The following PPFIA2 variants were observed in gnomAD, a reference collection of about 807,000 sequenced individuals.
The protein encoded by PPFIA2 is liprin-alpha-2.
PPFIA2 carries 46 observed loss-of-function variants against 175.5 expected under a neutral mutation model. The observed-to-expected ratio is 0.26, with a 90% CI of 0.21 to 0.34. PPFIA2 has a LOEUF of 0.34. PPFIA2 is among the 10% of genes least tolerant of loss of function. The pLI, the probability that PPFIA2 is intolerant of heterozygous loss-of-function variation, is 1.00. For missense variants in PPFIA2, 1,179 were observed against 1,506.1 expected (o/e 0.78, Z 3.60); for synonymous variants, 568 against 511.4 (o/e 1.11, Z -1.49).
At chr12:81,557,416 G>T (rs2069097396) in intron 4 of PPFIA2, among the ~76,000 whole-genome samples, 2 of 151,742 alleles carry the variant, frequency 1.3e-5, no homozygotes, top group South Asian at 4.1e-4. Context: ...ATCTTAAATG[G>T]ATATTTATAT....
At chr12:81,701,768 C>T (rs1485889222) in intron 3 of PPFIA2, among the ~76,000 whole-genome samples, 1 of 151,906 alleles carries the variant, frequency 6.6e-6, no homozygotes, top group East Asian at 1.9e-4. Context: ...AATAGTAATA[C>T]AGTTCTCCAT....
At chr12:81,296,609 T>A (rs1331536601) in intron 23 of PPFIA2, 2 of 152,202 alleles carry the variant, frequency 1.3e-5, no homozygotes, top group Non-Finnish European at 2.9e-5. Context: ...GACTGATTTT[T>A]TTTTCTATTT....
At chr12:81,295,185 T>G in intron 23 of PPFIA2, 150 bp from the exon 24 acceptor site, 1 of 712,936 alleles carries the variant, frequency 1.4e-6, no homozygotes, top group Non-Finnish European at 2.3e-6. Flanking sequence ...AGGACATAGA[T>G]GCACAAAGAA....
chr12:81,512,141 G>T, intron 4 of PPFIA2: 1 of 309,092 alleles, frequency 3.2e-6, no homozygotes, highest in Non-Finnish European at 6.1e-6. Flanking sequence ...TTTCTGTAGT[G>T]TCCGTCAATG....
intron 8 of PPFIA2, among the ~76,000 whole-genome samples, chr12:81,395,783 T>G (rs991293774): frequency 6.6e-6 from 1 of 152,186 alleles, no homozygotes. Context: ...TATTTATTCC[T>G]GCACAGTCTT....
intron 22 of PPFIA2, among the ~76,000 whole-genome samples, chr12:81,318,533 G>A (rs1566110336): frequency 6.6e-6 from 1 of 151,628 alleles, no homozygotes; most frequent in East Asian, 1.9e-4. Flanking sequence ...GGATGCCTCT[G>A]TAAAAATCAT....
In PPFIA2 at chr12:81,690,612, C is replaced by T. The variant is rs898561077; in HGVS notation, c.250-13768G>A. ...GAGGACTGCTAGAAAAGTAAAGCAA[C>T]GTGGCCCATGGGTAAACTACTAAAT... On this transcript the variant is annotated intron_variant, in intron 3 of 32. Coordinates refer to ENST00000549396, the MANE Select transcript of PPFIA2 (RefSeq NM_003625.5). Among the ~76,000 whole-genome samples, 23 of 152,032 alleles carry T rather than the reference C, an allele frequency of 1.5e-4. 1 individual carries two copies. Among genetic ancestry groups the T allele is most frequent in the Admixed American group, 1.4e-3 (22 of 15,234 alleles).
At chr12:81,660,484 A>G (rs1389907899) in intron 4 of PPFIA2, among the ~76,000 whole-genome samples, 1 of 152,190 alleles carries the variant, frequency 6.6e-6, no homozygotes, top group African/African-American at 2.4e-5. Flanking sequence ...AAGTGAGAAG[A>G]GAAGTTCAGA....
At chr12:81,652,630 C>T (rs149295736) in intron 4 of PPFIA2, among the ~76,000 whole-genome samples, 17 of 152,204 alleles carry the variant, frequency 1.1e-4, no homozygotes, top group African/African-American at 3.8e-4. Flanking sequence ...ACATTTTCTT[C>T]CTGACAGCTA....
intron 4 of PPFIA2, among the ~76,000 whole-genome samples, chr12:81,465,981 T>C (rs1022545902): frequency 2.0e-5 from 3 of 152,172 alleles, no homozygotes; most frequent in Non-Finnish European, 4.4e-5. Flanking sequence ...TCTGTTTTTA[T>C]AATTGCCTTC....
rs919859712 is a variant in PPFIA2, at chr12:81,281,552, T to C, written c.3019-102A>G. ...TAACTGATATTTAATTACTATGATA[T>C]GTGGAAACAAAGCAAAAATAATATT... On this transcript the variant is annotated intron_variant, in intron 26 of 32. Transcript: ENST00000549396. The C allele has an allele frequency of 1.7e-5, 13 of 771,772 alleles. No individual in the cohort carries two copies. The African/African-American group carries it at 2.3e-4, about 14-fold the overall frequency. 47.8% of individuals were successfully genotyped at this position (771,772 alleles called of 1,614,324 possible).
intron 14 of PPFIA2, among the ~76,000 whole-genome samples, chr12:81,364,253 T>C (rs1451850866): frequency 6.6e-6 from 1 of 151,888 alleles, no homozygotes; most frequent in Non-Finnish European, 1.5e-5. Flanking sequence ...AAATAGAGGA[T>C]ACTTTTTAAA....
intron 4 of PPFIA2, among the ~76,000 whole-genome samples, chr12:81,466,831 T>C (rs2055733906): frequency 6.6e-6 from 1 of 150,538 alleles, no homozygotes; most frequent in Non-Finnish European, 1.5e-5. Context: ...ACATTTGTCT[T>C]CTTGGGCCCA....
At chr12:81,462,440 T>C (rs2054740522) in intron 4 of PPFIA2, among the ~76,000 whole-genome samples, 2 of 147,536 alleles carry the variant, frequency 1.4e-5, no homozygotes, top group Non-Finnish European at 3.0e-5. Flanking sequence ...TGAATAAAGT[T>C]TCCTTCTAAG....
intron 17 of PPFIA2, 110 bp from the exon 18 acceptor site, chr12:81,347,880 GAAC>G: frequency 7.1e-7 from 1 of 1,404,578 alleles, no homozygotes; most frequent in Non-Finnish European, 9.3e-7. Context: ...AACTATTCTT[GAAC>G]ATTTTACATC....
chr12:81,315,384 T>C (rs1460407785), intron 22 of PPFIA2, among the ~76,000 whole-genome samples: 2 of 151,604 alleles, frequency 1.3e-5, no homozygotes, highest in Non-Finnish European at 3.0e-5. Context: ...GAAAGTGGAG[T>C]GAAGAAATTT....
Position 81,358,093 on chromosome 12 carries a change from C to A in PPFIA2, c.1762G>T (p.Asp588Tyr). 3 of 1,600,440 alleles carry A rather than the reference C, an allele frequency of 1.9e-6. No homozygotes were observed. The highest frequency in any genetic ancestry group is 1.7e-4 in the Middle Eastern group (1 of 6,018). ...GTTAAAAGATTAACCTTTGGCTCATCTCTTCGCACACCCATGCGGCCTCTC... is the reference window on the plus strand; with the variant it reads ...GTTAAAAGATTAACCTTTGGCTCATATCTTCGCACACCCATGCGGCCTCTC... ...PRRGRMGVRR[D>Y]EPKVKSLGDH... Residue 588 changes from aspartate to tyrosine, a missense_variant, in exon 16 of 33, where the codon GAT (aspartate) becomes TAT (tyrosine). This residue lies in a region of PPFIA2 where 186 missense variants were observed against 163.6 expected (regional missense o/e 1.14). Transcript: ENST00000549396.
intron 4 of PPFIA2, among the ~76,000 whole-genome samples, chr12:81,506,457 A>G (rs888597643): frequency 2.0e-5 from 3 of 152,226 alleles, no homozygotes; most frequent in African/African-American, 7.2e-5. Flanking sequence ...ATTAGAATAT[A>G]AATTCACTGA....
intron 3 of PPFIA2, among the ~76,000 whole-genome samples, chr12:81,744,010 A>G (rs1273843510): frequency 6.6e-6 from 1 of 152,220 alleles, no homozygotes; most frequent in Non-Finnish European, 1.5e-5. Context: ...AATTAGCAAA[A>G]TAATACAACA....
Sources: gnomAD v4.1 joint callset for allele counts (sites outside exome capture counted in the v4.1 genomes callset) on GRCh38, gnomAD v4.1.1 for gene constraint, gnomAD v4.1.1 regional missense constraint, MANE v1.5 for transcripts, NCBI Gene and HGNC (gene_info 2026-07-23, HGNC 2026-07-21) for gene names.